The following NCKAP1L variants were observed in gnomAD, a reference collection of about 807,000 sequenced individuals.
The protein encoded by NCKAP1L is NCK associated protein 1 like.
In NCKAP1L, 53 loss-of-function variants were observed where a neutral mutation model predicts 139.2. The ratio of observed to expected loss-of-function variants is 0.38; its 90% confidence interval spans 0.31 to 0.48. The LOEUF is 0.48. Among genes scored for constraint, NCKAP1L ranks in the 20% least tolerant of loss-of-function variants. The pLI is 0.98. For missense variants in NCKAP1L, 1,151 were observed against 1,381.9 expected, an observed-to-expected ratio of 0.83 and a Z score of 2.65; for synonymous variants, 468 against 499.7, an observed-to-expected ratio of 0.94 and a Z score of 0.85.
rs529901145 is a variant in NCKAP1L, at chr12:54,548,110, C to G, written c.*5425C>G. Reference sequence around the variant, plus strand: ...GCTTCTTCGCCCTTCCATTTCACTTCTTTTCTCCTTCTCTGACTGGGAGAG... The same window carrying G: ...GCTTCTTCGCCCTTCCATTTCACTTGTTTTCTCCTTCTCTGACTGGGAGAG... On this transcript the variant is annotated 3_prime_UTR_variant, in exon 31 of 31. Transcript: ENST00000293373. 10 of 152,354 alleles carry G rather than the reference C, an allele frequency of 6.6e-5. 1 individual carries two copies. In the South Asian group the frequency reaches 2.1e-3, roughly 32 times the overall value. 9.4% of individuals were successfully genotyped at this position (152,354 alleles called of 1,614,324 possible). A position where few individuals can be genotyped will look rare whatever the true frequency, so the allele number is the denominator to read the frequency against.
intron 7 of NCKAP1L, among the ~76,000 whole-genome samples, chr12:54,510,830 T>A (rs1303962521): frequency 2.6e-5 from 4 of 151,468 alleles, no homozygotes; most frequent in African/African-American, 9.7e-5. Flanking sequence ...CCTGTTTATT[T>A]TTTTGTAGAG....
In NCKAP1L at chr12:54,517,791, T is replaced by C; in HGVS notation, c.1206-15T>C. 1.2e-6 allele frequency: 2 copies of C among 1,614,030 alleles called. No individual in the cohort carries two copies. The highest frequency in any genetic ancestry group is 1.1e-5 in the South Asian group (1 of 91,078). ...CTAGTCTTATTCATCTCTGTTCTCATCCTAAACTTTATAGGAGCATTGCAG... is the reference window on the plus strand; with the variant it reads ...CTAGTCTTATTCATCTCTGTTCTCACCCTAAACTTTATAGGAGCATTGCAG... On this transcript the variant is annotated splice_polypyrimidine_tract_variant and intron_variant, in intron 12 of 30. Transcript: ENST00000293373.
At chr12:54,506,228 T>C (rs1249381) in intron 3 of NCKAP1L, among the ~76,000 whole-genome samples, 152,136 of 152,232 alleles carry the variant, frequency 1, 76,020 homozygotes, top group Middle Eastern at 1. Flanking sequence ...CCATTTTATC[T>C]TCCCACCAGT....
At position 54,538,865 on chromosome 12, in the gene NCKAP1L, A is replaced by G. The variant is rs1592354498; in HGVS notation, c.3184-19A>G. On this transcript the variant is annotated intron_variant, in intron 29 of 30. Transcript: ENST00000293373. ...ACTGACCTGTATAAAAATCTGCTTT[A>G]CAAATTCTTCCCTTACAGGTGGCCT... is the stretch of plus-strand genomic sequence containing the variant. The G allele has an allele frequency of 1.2e-6, 2 of 1,609,642 alleles. No homozygotes were observed. Among genetic ancestry groups the G allele is most frequent in the Admixed American group, 1.7e-5 (1 of 59,966 alleles).
intron 27 of NCKAP1L, 138 bp downstream of exon 27, chr12:54,535,335 C>T (rs901909576): frequency 1.6e-6 from 1 of 606,194 alleles, no homozygotes; most frequent in African/African-American, 1.9e-5. Context: ...AAGGAAGGAC[C>T]CTAACCTTCA....
chr12:54,534,679 T>C (rs1250390269), intron 26 of NCKAP1L, among the ~76,000 whole-genome samples: 1 of 152,102 alleles, frequency 6.6e-6, no homozygotes, highest in Non-Finnish European at 1.5e-5. Context: ...TTGGGGACAG[T>C]GAATAAATTA....
At chr12:54,499,205 T>A (rs527504559) in intron 1 of NCKAP1L, 150 bp from the exon 2 acceptor site, 1 of 550,016 alleles carries the variant, frequency 1.8e-6, no homozygotes, top group Non-Finnish European at 3.3e-6. Context: ...ATTACAGGTG[T>A]GAGCCGCTGC....
At chr12:54,528,222 T>C in intron 21 of NCKAP1L, 25 bp from the exon 22 acceptor site, 1 of 1,612,048 alleles carries the variant, frequency 6.2e-7, no homozygotes, top group Non-Finnish European at 8.5e-7. Context: ...GATCCTAATC[T>C]ATGTTTTCTT....
At chr12:54,523,563 C>A in intron 19 of NCKAP1L, 24 bp downstream of exon 19, 1 of 1,602,840 alleles carries the variant, frequency 6.2e-7, no homozygotes, top group Admixed American at 1.7e-5. Flanking sequence ...CCCTAGATGG[C>A]CAGCTGGGTA....
At chr12:54,509,163 C>T (rs1266081260) in intron 5 of NCKAP1L, among the ~76,000 whole-genome samples, 3 of 152,030 alleles carry the variant, frequency 2.0e-5, no homozygotes, top group Admixed American at 1.3e-4. Flanking sequence ...GCAGTTCTGT[C>T]CCCCTCCATT....
chr12:54,511,765 A>G, intron 7 of NCKAP1L, 38 bp from the exon 8 acceptor site: 1 of 1,605,614 alleles, frequency 6.2e-7, no homozygotes, highest in Non-Finnish European at 8.5e-7. Context: ...AGGAAGGCCA[A>G]GTTAAATAAC....
rs1957006519 is a variant in NCKAP1L at position 54,523,839 on chromosome 12, A to C, written c.2039A>C (p.His680Pro). 2 of 1,613,952 alleles carry C rather than the reference A, an allele frequency of 1.2e-6. No individual in the cohort carries two copies. The highest frequency in any genetic ancestry group is 1.7e-6 in the Non-Finnish European group (2 of 1,179,880). The change falls in exon 20 of 31, where the codon CAC (histidine) becomes CCC (proline). Residue 680 changes from histidine (H) to proline (P), a missense_variant. Transcript: ENST00000293373. ...TTCCTTTCTAGCATGGACAAGCTAC[A>C]CCTAAACTTGACAGAACTGGCACTG... Reference protein sequence around the residue: ...RSIVTNMDKLHLNLTELALTM... With the variant: ...RSIVTNMDKLPLNLTELALTM...
intron 12 of NCKAP1L, 77 bp downstream of exon 12, chr12:54,517,719 T>A (rs1302464419): frequency 6.3e-7 from 1 of 1,589,220 alleles, no homozygotes; most frequent in Admixed American, 1.7e-5. Context: ...CCTTAGGAGG[T>A]CTCAATTTCT....
chr12:54,518,798 T>A, intron 14 of NCKAP1L, 66 bp downstream of exon 14: 1 of 1,536,000 alleles, frequency 6.5e-7, no homozygotes, highest in East Asian at 2.2e-5. Context: ...CCGGAAATAT[T>A]GATCTTTGAG....
Position 54,508,537 on chromosome 12 carries a change from T to A in NCKAP1L, c.506+6T>A. 8.7e-6 allele frequency: 14 copies of A among 1,613,914 alleles called. No individual in the cohort carries two copies. The highest frequency in any genetic ancestry group is 1.2e-5 in the Non-Finnish European group (14 of 1,179,854). ...GAGATGCTGCATGGGCATGGGTGAG[T>A]TAAGGCGAGAGTATTATATGAAGAG... On this transcript the variant is annotated splice_donor_region_variant and intron_variant, in intron 5 of 30. Transcript: ENST00000293373.
intron 5 of NCKAP1L, among the ~76,000 whole-genome samples, chr12:54,509,299 TA>T (rs1956867905): frequency 6.6e-6 from 1 of 152,200 alleles, no homozygotes; most frequent in South Asian, 2.1e-4. Context: ...ACACATGCCT[TA>T]CCTGTTAGCT....
Position 54,531,572 on chromosome 12 carries a change from C to A in NCKAP1L, c.2686C>A (p.Pro896Thr). 6.2e-7 allele frequency: 1 copy of A among 1,614,044 alleles called. No homozygotes were observed. Among genetic ancestry groups the A allele is most frequent in the Admixed American group, 1.7e-5 (1 of 60,012 alleles). ...SKPDLMASLLPQLTGAENVLK... is the reference protein window; with the variant it reads ...SKPDLMASLLTQLTGAENVLK... ...GCCGGACTTGATGGCTTCCCTGCTG[C>A]CCCAGCTGACAGGTAAGCATCCTCT... The change falls in exon 24 of 31, where the codon CCC (proline) becomes ACC (threonine). Residue 896 changes from proline (P) to threonine (T), a missense_variant. Pro to Thr is a conservative substitution (Grantham distance 38, BLOSUM62 -1). Coordinates refer to ENST00000293373, the MANE Select transcript of NCKAP1L (RefSeq NM_005337.5).
intron 20 of NCKAP1L, among the ~76,000 whole-genome samples, chr12:54,525,101 T>C (rs1474360021): frequency 6.6e-6 from 1 of 151,986 alleles, no homozygotes; most frequent in Non-Finnish European, 1.5e-5. Context: ...GGATGTAAGG[T>C]GAGGGAGGTC....
At chr12:54,505,838 T>C (rs1021998759) in intron 3 of NCKAP1L, among the ~76,000 whole-genome samples, 1 of 152,094 alleles carries the variant, frequency 6.6e-6, no homozygotes, top group African/African-American at 2.4e-5. Context: ...AATTTTGTAT[T>C]TTTAGTAGAG....
Sources: gnomAD v4.1 joint callset for allele counts (sites outside exome capture counted in the v4.1 genomes callset) on GRCh38, gnomAD v4.1.1 for gene constraint, MANE v1.5 for transcripts, NCBI Gene and HGNC (gene_info 2026-07-23, HGNC 2026-07-21) for gene names.